KRTAP3-2: variants seen among roughly 807,000 people sequenced by gnomAD.
KRTAP3-2 encodes the protein keratin associated protein 3-2.
In KRTAP3-2, 2 loss-of-function variants were observed where a neutral mutation model predicts 5.4. That is an observed-to-expected ratio of 0.37 (90% CI 0.15 to 1.17). The LOEUF (loss-of-function observed/expected upper bound fraction) is 1.17. Ranked by LOEUF, KRTAP3-2 falls within the 50% of genes most tolerant of loss-of-function variation. KRTAP3-2 has a pLI of 0.37. For missense variants in KRTAP3-2, 113 were observed against 122.0 expected (o/e 0.93, Z 0.35); for synonymous variants, 49 against 48.0 (o/e 1.02, Z -0.08).
chr17:40,999,323 A>G lies in KRTAP3-2; in HGVS notation c.*234T>C, dbSNP rs17843004. 0.065 allele frequency: 38,328 copies of G among 590,366 alleles called. 1,530 individuals carry two copies. Among genetic ancestry groups the G allele is most frequent in the Middle Eastern group, 0.17 (386 of 2,218 alleles). The allele number at this position is 590,366 out of a possible 1,614,324, so 36.6% of individuals were successfully genotyped here. On this transcript the variant is annotated 3_prime_UTR_variant, in exon 1 of 1. Coordinates refer to ENST00000391587, the MANE Select transcript of KRTAP3-2 (RefSeq NM_031959.3). The stretch of plus-strand genomic sequence containing the variant: ...GTAATCTGAGGTCTTAAAGATTGAA[A>G]CAGTATTTTGCTAATAAAACTCATT...
At position 40,999,548 on chromosome 17, in the gene KRTAP3-2, A is replaced by C. The variant is rs760507910; in HGVS notation, c.*9T>G. On this transcript the variant is annotated 3_prime_UTR_variant, in exon 1 of 1. Transcript: ENST00000391587. ...TTCGTTGTCGGGCACTGAGCAAAGTAGCCATCCATCAGCAGCCTCTTGGGA... is the reference window on the plus strand; with the variant it reads ...TTCGTTGTCGGGCACTGAGCAAAGTCGCCATCCATCAGCAGCCTCTTGGGA... 1.2e-6 allele frequency: 2 copies of C among 1,613,144 alleles called. No homozygotes were observed. The highest frequency in any genetic ancestry group is 2.2e-5 in the South Asian group (2 of 91,022).
Position 40,999,906 on chromosome 17 carries a change from C to T in KRTAP3-2, c.-53G>A, listed in dbSNP as rs769311660. On this transcript the variant is annotated 5_prime_UTR_variant, in exon 1 of 1. Transcript: ENST00000391587. Reference sequence around the variant, plus strand: ...TTTCTTAGATGAGGATTCTGAGGTACAAATGTCTCCTCTTTTGTTAGGGCT... The same window carrying T: ...TTTCTTAGATGAGGATTCTGAGGTATAAATGTCTCCTCTTTTGTTAGGGCT... The T allele has an allele frequency of 9.0e-5, 144 of 1,597,938 alleles. No homozygotes were observed. The highest frequency in any genetic ancestry group is 1.4e-4 in the Admixed American group (8 of 59,222).
At position 40,999,264 on chromosome 17, in the gene KRTAP3-2, A is replaced by AACCCAGT; in HGVS notation, c.*292_*293insACTGGGT. The AACCCAGT allele has an allele frequency of 2.5e-6, 1 of 396,682 alleles. No individual in the cohort carries two copies. 24.6% of individuals were successfully genotyped at this position (396,682 alleles called of 1,614,324 possible). ...TTCTATGAAAATACCCAGTACAAGA[A>AACCCAGT]ACAAGAGCCAGGAAGCAATATGATC... On this transcript the variant is annotated 3_prime_UTR_variant, in exon 1 of 1. Transcript: ENST00000391587.
At position 40,999,633 on chromosome 17, in the gene KRTAP3-2, G is replaced by A; in HGVS notation, c.221C>T (p.Thr74Ile). The change falls in exon 1 of 1, where the codon ACT (threonine) becomes ATT (isoleucine). Residue 74 changes from threonine (T) to isoleucine (I), a missense_variant. Coordinates refer to ENST00000391587, the MANE Select transcript of KRTAP3-2 (RefSeq NM_031959.3). The stretch of plus-strand genomic sequence containing the variant: ...GAGGTTGAGGGTCTCCAGGCCCGGA[G>A]TTGGCTGGCAGGAGTTGAGCAGGAA... ...TCFLLNSCQP[T>I]PGLETLNLTT... The A allele has an allele frequency of 6.2e-7, 1 of 1,613,992 alleles. No individual in the cohort carries two copies. The highest frequency in any genetic ancestry group is 8.5e-7 in the Non-Finnish European group (1 of 1,179,952).
At position 40,999,593 on chromosome 17, in the gene KRTAP3-2, C is replaced by T; in HGVS notation, c.261G>A (p.Gln87=). The T allele has an allele frequency of 2.5e-6, 4 of 1,613,768 alleles. No homozygotes were observed. The South Asian group carries it at 3.3e-5, about 13-fold the overall frequency. ...TTGGGAGGCAGGGCTCACAGCAGGG[C>T]TGAGTGAAGGTGGTGAGGTTGAGGG... ...LETLNLTTFT[Q]PCCEPCLPRG... Residue 87 remains glutamine (Q), a synonymous_variant, in exon 1 of 1, where the codon CAG becomes CAA. Coordinates refer to ENST00000391587, the MANE Select transcript of KRTAP3-2 (RefSeq NM_031959.3).
At position 40,999,686 on chromosome 17, in the gene KRTAP3-2, G is replaced by A. The variant is rs200209401; in HGVS notation, c.168C>T (p.His56=). The change falls in exon 1 of 1, where the codon CAC becomes CAT. Residue 56 remains histidine (H), a synonymous_variant. Transcript: ENST00000391587. ...ICCDNCPPPC[H]IPQPCVPTCF... is the part of the protein sequence containing the mutation. ...AGGTGGGCACGCAGGGCTGAGGAAT[G>A]TGGCAGGGTGGGGGACAGTTGTCAC... 6.3e-5 allele frequency: 102 copies of A among 1,614,070 alleles called. No individual in the cohort carries two copies. The East Asian group carries it at 2.2e-3, about 35-fold the overall frequency.
At position 40,999,529 on chromosome 17, in the gene KRTAP3-2, G is replaced by T. The variant is rs762622113; in HGVS notation, c.*28C>A. 3.1e-6 allele frequency: 5 copies of T among 1,609,674 alleles called. No individual in the cohort carries two copies. The highest frequency in any genetic ancestry group is 4.2e-6 in the Non-Finnish European group (5 of 1,176,932). On this transcript the variant is annotated 3_prime_UTR_variant, in exon 1 of 1. Transcript: ENST00000391587. ...AGGGACAGCTTCTGGATTCTTCGTT[G>T]TCGGGCACTGAGCAAAGTAGCCATC...
chr17:40,999,864 G>A lies in KRTAP3-2; in HGVS notation c.-11C>T, dbSNP rs3829599. 1,373 of 1,613,738 alleles carry A rather than the reference G, an allele frequency of 8.5e-4. 37 individuals carry two copies. In the East Asian group the frequency reaches 0.03, roughly 35 times the overall value. ...GGCACAGCAATCCATGGCAATGGGC[G>A]TCTGGTTAGCTTTCAGTTTCTTAGA... On this transcript the variant is annotated 5_prime_UTR_variant, in exon 1 of 1. The change creates a new upstream start codon in the 5' untranslated region. Coordinates refer to ENST00000391587, the MANE Select transcript of KRTAP3-2 (RefSeq NM_031959.3).
Position 40,999,855 on chromosome 17 carries a change from G to C in KRTAP3-2, c.-2C>G, listed in dbSNP as rs150935838. 134 of 1,613,850 alleles carry C rather than the reference G, an allele frequency of 8.3e-5. No homozygotes were observed. Among genetic ancestry groups the C allele is most frequent in the Non-Finnish European group, 1.1e-4 (132 of 1,179,868 alleles). On this transcript the variant is annotated 5_prime_UTR_variant, in exon 1 of 1. Coordinates refer to ENST00000391587, the MANE Select transcript of KRTAP3-2 (RefSeq NM_031959.3). ...GCTGCGAGAGGCACAGCAATCCATGGCAATGGGCGTCTGGTTAGCTTTCAG... is the reference window on the plus strand; with the variant it reads ...GCTGCGAGAGGCACAGCAATCCATGCCAATGGGCGTCTGGTTAGCTTTCAG...
rs1012870584 is a variant in KRTAP3-2, at chr17:40,999,245, G to A, written c.*312C>T. ...AACCCACCAAGAAATTTTCTTCTAT[G>A]AAAATACCCAGTACAAGAAACAAGA... On this transcript the variant is annotated 3_prime_UTR_variant, in exon 1 of 1. Coordinates refer to ENST00000391587, the MANE Select transcript of KRTAP3-2 (RefSeq NM_031959.3). 7 of 327,090 alleles carry A rather than the reference G, an allele frequency of 2.1e-5. No homozygotes were observed. The highest frequency in any genetic ancestry group is 3.3e-5 in the Non-Finnish European group (6 of 182,010). 20.3% of individuals were successfully genotyped at this position (327,090 alleles called of 1,614,324 possible).
rs1457186647 is a variant in KRTAP3-2 at position 40,999,896 on chromosome 17, T to C, written c.-43A>G. 6.2e-7 allele frequency: 1 copy of C among 1,607,442 alleles called. No homozygotes were observed. Among genetic ancestry groups the C allele is most frequent in the South Asian group, 1.1e-5 (1 of 89,942 alleles). The stretch of plus-strand genomic sequence containing the variant: ...TAGCTTTCAGTTTCTTAGATGAGGA[T>C]TCTGAGGTACAAATGTCTCCTCTTT... On this transcript the variant is annotated 5_prime_UTR_variant, in exon 1 of 1. Coordinates refer to ENST00000391587, the MANE Select transcript of KRTAP3-2 (RefSeq NM_031959.3).
Position 40,999,721 on chromosome 17 carries a change from G to A in KRTAP3-2, c.133C>T (p.Pro45Ser), listed in dbSNP as rs750747040. ...TCPHTVWLLEPICCDNCPPPC... is the reference protein window; with the variant it reads ...TCPHTVWLLESICCDNCPPPC... The stretch of plus-strand genomic sequence containing the variant: ...GGGGGACAGTTGTCACAGCAGATGG[G>A]CTCCAGTAACCAAACTGTGTGTGGG... The change falls in exon 1 of 1, where the codon CCC (proline) becomes TCC (serine). Residue 45 changes from proline to serine, a missense_variant. Transcript: ENST00000391587. 3.1e-6 allele frequency: 5 copies of A among 1,614,062 alleles called. No individual in the cohort carries two copies. The highest frequency in any genetic ancestry group is 3.4e-6 in the Non-Finnish European group (4 of 1,180,020).
rs2011764382 is a variant in KRTAP3-2 at position 40,999,679 on chromosome 17, G to C, written c.175C>G (p.Gln59Glu). 6.2e-7 allele frequency: 1 copy of C among 1,614,044 alleles called. No homozygotes were observed. The highest frequency in any genetic ancestry group is 8.5e-7 in the Non-Finnish European group (1 of 1,179,996). The change falls in exon 1 of 1, where the codon CAG (glutamine) becomes GAG (glutamate). Residue 59 changes from glutamine to glutamate, a missense_variant. Coordinates refer to ENST00000391587, the MANE Select transcript of KRTAP3-2 (RefSeq NM_031959.3). ...AGGAAGCAGGTGGGCACGCAGGGCT[G>C]AGGAATGTGGCAGGGTGGGGGACAG... Reference protein sequence around the residue: ...DNCPPPCHIPQPCVPTCFLLN... With the variant: ...DNCPPPCHIPEPCVPTCFLLN...
At position 40,999,556 on chromosome 17, in the gene KRTAP3-2, A is replaced by G; in HGVS notation, c.*1T>C. The G allele has an allele frequency of 6.2e-7, 1 of 1,613,498 alleles. No individual in the cohort carries two copies. The highest frequency in any genetic ancestry group is 1.1e-5 in the South Asian group (1 of 91,048). On this transcript the variant is annotated 3_prime_UTR_variant, in exon 1 of 1. Transcript: ENST00000391587. ...CGGGCACTGAGCAAAGTAGCCATCC[A>G]TCAGCAGCCTCTTGGGAGGCAGGGC...
In KRTAP3-2 at chr17:40,999,887, A is replaced by C; in HGVS notation, c.-34T>G. 1 of 1,610,960 alleles carries C rather than the reference A, an allele frequency of 6.2e-7. No homozygotes were observed. Among genetic ancestry groups the C allele is most frequent in the East Asian group, 2.2e-5 (1 of 44,850 alleles). ...GCGTCTGGTTAGCTTTCAGTTTCTT[A>C]GATGAGGATTCTGAGGTACAAATGT... On this transcript the variant is annotated 5_prime_UTR_variant, in exon 1 of 1. Coordinates refer to ENST00000391587, the MANE Select transcript of KRTAP3-2 (RefSeq NM_031959.3).
Position 40,999,565 on chromosome 17 carries a change from C to T in KRTAP3-2, c.289G>A (p.Gly97Ser). Residue 97 changes from glycine to serine, a missense_variant, in exon 1 of 1, where the codon GGC (glycine) becomes AGC (serine). Transcript: ENST00000391587. ...QPCCEPCLPR[G>S]C ...AGCAAAGTAGCCATCCATCAGCAGCCTCTTGGGAGGCAGGGCTCACAGCAG... is the reference window on the plus strand; with the variant it reads ...AGCAAAGTAGCCATCCATCAGCAGCTTCTTGGGAGGCAGGGCTCACAGCAG... 6.2e-7 allele frequency: 1 copy of T among 1,613,768 alleles called. No individual in the cohort carries two copies. Among genetic ancestry groups the T allele is most frequent in the Non-Finnish European group, 8.5e-7 (1 of 1,179,758 alleles).
At position 40,999,707 on chromosome 17, in the gene KRTAP3-2, G is replaced by A; in HGVS notation, c.147C>T (p.Asp49=). 6.2e-7 allele frequency: 1 copy of A among 1,614,078 alleles called. No homozygotes were observed. ...TVWLLEPICC[D]NCPPPCHIPQ... ...GAATGTGGCAGGGTGGGGGACAGTTGTCACAGCAGATGGGCTCCAGTAACC... is the reference window on the plus strand; with the variant it reads ...GAATGTGGCAGGGTGGGGGACAGTTATCACAGCAGATGGGCTCCAGTAACC... Residue 49 remains aspartate (D), a synonymous_variant, in exon 1 of 1, where the codon GAC becomes GAT. Coordinates refer to ENST00000391587, the MANE Select transcript of KRTAP3-2 (RefSeq NM_031959.3).
In KRTAP3-2 at chr17:40,999,793, A is replaced by T. The variant is rs1458737223; in HGVS notation, c.61T>A (p.Ser21Thr). ...VPTGPATTIC[S>T]SDKSCRCGVC... ...CCACAGCGGCAGGATTTGTCGGAGG[A>T]GCAGATGGTGGTGGCAGGCCCAGTG... is the stretch of plus-strand genomic sequence containing the variant. The change falls in exon 1 of 1, where the codon TCC (serine) becomes ACC (threonine). Residue 21 changes from serine (S) to threonine (T), a missense_variant. Transcript: ENST00000391587. The T allele has an allele frequency of 6.2e-7, 1 of 1,614,106 alleles. No homozygotes were observed. The highest frequency in any genetic ancestry group is 1.1e-5 in the South Asian group (1 of 91,076).
chr17:40,999,490 C>A lies in KRTAP3-2; in HGVS notation c.*67G>T. On this transcript the variant is annotated 3_prime_UTR_variant, in exon 1 of 1. Transcript: ENST00000391587. The stretch of plus-strand genomic sequence containing the variant: ...CTTAACATCTGGCAAACTACTGAGG[C>A]AAGTGAATACTGAAGGGACAGCTTC... 1 of 1,575,324 alleles carries A rather than the reference C, an allele frequency of 6.3e-7. No individual in the cohort carries two copies. Among genetic ancestry groups the A allele is most frequent in the South Asian group, 1.2e-5 (1 of 84,558 alleles).
Sources: allele counts gnomAD v4.1 joint callset, GRCh38; gene constraint gnomAD v4.1.1; transcripts MANE v1.5; gene names NCBI Gene and HGNC (gene_info 2026-07-23, HGNC 2026-07-21).